The following SGCZ variants were observed in gnomAD, a reference collection of about 807,000 sequenced individuals.
SGCZ encodes the protein sarcoglycan zeta.
SGCZ carries 40 observed loss-of-function variants against 41.3 expected under a neutral mutation model. The observed-to-expected ratio is 0.97, with a 90% CI of 0.75 to 1.26. SGCZ has a LOEUF of 1.26. Ranked by LOEUF, SGCZ falls within the 50% of genes most tolerant of loss-of-function variation. The pLI is 0.00. For synonymous variants in SGCZ, 206 were observed against 137.5 expected, an observed-to-expected ratio of 1.50 and a Z score of -3.49; for missense variants, 552 against 369.8, an observed-to-expected ratio of 1.49 and a Z score of -4.04.
chr8:14,156,807 C>G (rs1327750999), intron 5 of SGCZ, among the ~76,000 whole-genome samples: 1 of 152,292 alleles, frequency 6.6e-6, no homozygotes, highest in East Asian at 1.9e-4. Context: ...TCCAGCTCCA[C>G]ATCTTGTCCC....
chr8:14,152,838 A>G (rs1046470791), intron 5 of SGCZ, among the ~76,000 whole-genome samples: 26 of 152,366 alleles, frequency 1.7e-4, no homozygotes, highest in African/African-American at 6.3e-4. Flanking sequence ...TAGGTTACCA[A>G]TTAGAAATAA....
At chr8:14,378,315 G>A (rs1311293408) in intron 2 of SGCZ, among the ~76,000 whole-genome samples, 1 of 152,002 alleles carries the variant, frequency 6.6e-6, no homozygotes, top group Admixed American at 6.6e-5. Context: ...TTTTTTGGCT[G>A]CATAAATGTC....
At chr8:15,164,717 T>C (rs1300591031) in intron 1 of SGCZ, among the ~76,000 whole-genome samples, 1 of 151,866 alleles carries the variant, frequency 6.6e-6, no homozygotes, top group East Asian at 1.9e-4. Context: ...TTTAAAGCTT[T>C]AATTGTGAAA....
chr8:15,097,882 ACG>A (rs1491396776), intron 1 of SGCZ, among the ~76,000 whole-genome samples: 1 of 23,842 alleles, frequency 4.2e-5, no homozygotes, highest in East Asian at 1.6e-3. Context: ...ATATATATAT[ACG>A]TGTGTATATA....
intron 1 of SGCZ, among the ~76,000 whole-genome samples, chr8:14,571,442 G>GT (rs1373009894): frequency 6.6e-6 from 1 of 152,174 alleles, no homozygotes; most frequent in Non-Finnish European, 1.5e-5. Context: ...AATTAGCTGA[G>GT]TATACAGATC....
chr8:14,127,258 G>C (rs1274460280), intron 5 of SGCZ, among the ~76,000 whole-genome samples: 1 of 152,080 alleles, frequency 6.6e-6, no homozygotes, highest in Non-Finnish European at 1.5e-5. Flanking sequence ...ATAGCTGTGT[G>C]TATTTTCTAT....
chr8:14,409,707 G>C (rs999461587), intron 2 of SGCZ, among the ~76,000 whole-genome samples: 1 of 152,084 alleles, frequency 6.6e-6, no homozygotes, highest in African/African-American at 2.4e-5. Context: ...TTTACTTGTT[G>C]AGAACATTCA....
At chr8:14,302,478 G>A (rs1801228147) in intron 3 of SGCZ, among the ~76,000 whole-genome samples, 1 of 151,830 alleles carries the variant, frequency 6.6e-6, no homozygotes, top group African/African-American at 2.4e-5. Context: ...TTCTCTGATG[G>A]TCATTCCTTA....
chr8:15,032,333 G>A (rs535453699), intron 1 of SGCZ, among the ~76,000 whole-genome samples: 1 of 152,118 alleles, frequency 6.6e-6, no homozygotes, highest in Non-Finnish European at 1.5e-5. Flanking sequence ...GGTTAACAAA[G>A]GACAGTTTTA....
intron 1 of SGCZ, among the ~76,000 whole-genome samples, chr8:14,671,770 TAACA>T (rs1446465792): frequency 7.9e-5 from 12 of 152,052 alleles, no homozygotes; most frequent in Non-Finnish European, 1.6e-4. Flanking sequence ...CAAAAACAAA[TAACA>T]AACAAAACAA....
At chr8:14,249,372 G>A (rs183590985) in intron 3 of SGCZ, among the ~76,000 whole-genome samples, 1 of 151,934 alleles carries the variant, frequency 6.6e-6, no homozygotes, top group Non-Finnish European at 1.5e-5. Context: ...CAGATCCTGG[G>A]GTTTCTCATC....
chr8:15,041,672 A>C (rs886600823), intron 1 of SGCZ, among the ~76,000 whole-genome samples: 1 of 152,014 alleles, frequency 6.6e-6, no homozygotes, highest in Non-Finnish European at 1.5e-5. Flanking sequence ...AGAACAAATC[A>C]TTTTTATTAC....
chr8:14,323,243 C>A (rs1801988930), intron 3 of SGCZ, among the ~76,000 whole-genome samples: 1 of 151,988 alleles, frequency 6.6e-6, no homozygotes, highest in Non-Finnish European at 1.5e-5. Context: ...TAAATTATGG[C>A]TCACTATGCA....
intron 1 of SGCZ, among the ~76,000 whole-genome samples, chr8:14,809,081 G>A (rs1023911858): frequency 1.4e-5 from 2 of 146,966 alleles, no homozygotes; most frequent in Non-Finnish European, 3.0e-5. Flanking sequence ...GGACTGTTGT[G>A]GGGTGGGTGG....
At chr8:14,424,197 G>C (rs961312254) in intron 2 of SGCZ, among the ~76,000 whole-genome samples, 19 of 152,136 alleles carry the variant, frequency 1.2e-4, no homozygotes, top group Non-Finnish European at 2.4e-4. Context: ...TGTAAGGAGG[G>C]CGGGATAAAA....
intron 1 of SGCZ, among the ~76,000 whole-genome samples, chr8:14,907,964 T>C (rs1799168665): frequency 6.6e-6 from 1 of 152,156 alleles, no homozygotes; most frequent in Admixed American, 6.5e-5. Flanking sequence ...GAAAGGGCAG[T>C]CTGAACAAGG....
At chr8:14,174,535 T>C (rs965225933) in intron 4 of SGCZ, among the ~76,000 whole-genome samples, 6 of 152,096 alleles carry the variant, frequency 3.9e-5, no homozygotes, top group African/African-American at 9.7e-5. Context: ...AGAAGTTCAA[T>C]GTATGCCCAG....
chr8:14,111,060 T>C (rs74544572), intron 5 of SGCZ, among the ~76,000 whole-genome samples: 3,188 of 92,168 alleles, frequency 0.035, 111 homozygotes, highest in African/African-American at 0.13. Context: ...TTAAAAATAA[T>C]AACAACAACA....
chr8:15,083,017 G>T (rs1446323052), intron 1 of SGCZ, among the ~76,000 whole-genome samples: 1 of 151,352 alleles, frequency 6.6e-6, no homozygotes. Flanking sequence ...ACAAATTTCT[G>T]CATGAAAACA....
Sources: allele counts gnomAD v4.1 joint callset (sites outside exome capture counted in the v4.1 genomes callset), GRCh38; gene constraint gnomAD v4.1.1; transcripts MANE v1.5; gene names NCBI Gene and HGNC (gene_info 2026-07-23, HGNC 2026-07-21).